TMTC2: variants seen among roughly 807,000 people sequenced by gnomAD.
TMTC2 encodes the protein transmembrane O-mannosyltransferase targeting cadherins 2, also known as protein O-mannosyl-transferase TMTC2.
In TMTC2, 43 loss-of-function variants were observed where a neutral mutation model predicts 82.4. That is an observed-to-expected ratio of 0.52 (90% CI 0.41 to 0.67). The LOEUF is 0.67. Ranked by LOEUF, TMTC2 falls within the 30% of genes least tolerant of loss-of-function variation. TMTC2 has a pLI of 0.00. For missense variants in TMTC2, 919 were observed against 1,012.4 expected (o/e 0.91, Z 1.25); for synonymous variants, 408 against 381.9 (o/e 1.07, Z -0.80).
At position 82,749,495 on chromosome 12, in the gene TMTC2, G is replaced by GT. The variant is rs1006676347; in HGVS notation, c.83+61835dup. ...CACTTTGTAGATTTGATGCTTTTTT[G>GT]TTTTTTTTTAATTTGGTATAAAAGC... On this transcript the variant is annotated intron_variant, in intron 1 of 11. Coordinates refer to ENST00000321196, the MANE Select transcript of TMTC2 (RefSeq NM_152588.3). Among the ~76,000 whole-genome samples the GT allele has an allele frequency of 6.9e-4, 104 of 150,954 alleles. 1 individual carries two copies. In the South Asian group the frequency reaches 0.012, roughly 17 times the overall value.
intron 1 of TMTC2, among the ~76,000 whole-genome samples, chr12:82,724,472 C>T (rs1874354086): frequency 6.6e-6 from 1 of 152,106 alleles, no homozygotes; most frequent in Non-Finnish European, 1.5e-5. Flanking sequence ...CTCATGAGAT[C>T]TGATGGTTTA....
At chr12:82,988,837 G>A (rs975318873) in intron 8 of TMTC2, among the ~76,000 whole-genome samples, 11 of 147,772 alleles carry the variant, frequency 7.4e-5, no homozygotes, top group African/African-American at 2.5e-4. Flanking sequence ...ACCAGACAGA[G>A]CACAGTGAAT....
intron 1 of TMTC2, among the ~76,000 whole-genome samples, chr12:82,781,347 A>C (rs1040502331): frequency 1.3e-5 from 2 of 151,880 alleles, no homozygotes; most frequent in Non-Finnish European, 2.9e-5. Flanking sequence ...AGTACATTTT[A>C]AGAAAAGGGT....
chr12:82,769,189 T>C (rs1877148798), intron 1 of TMTC2, among the ~76,000 whole-genome samples: 1 of 151,814 alleles, frequency 6.6e-6, no homozygotes, highest in African/African-American at 2.4e-5. Flanking sequence ...ATGTAAGTGG[T>C]AGGCCAGGCA....
intron 2 of TMTC2, among the ~76,000 whole-genome samples, chr12:82,883,891 TTTG>T (rs1336031411): frequency 2.0e-5 from 3 of 152,202 alleles, no homozygotes; most frequent in Non-Finnish European, 4.4e-5. Context: ...TAAAACTTTT[TTTG>T]TTGTTGTTTC....
At chr12:82,835,816 C>T (rs1293117853) in intron 1 of TMTC2, among the ~76,000 whole-genome samples, 2 of 152,158 alleles carry the variant, frequency 1.3e-5, no homozygotes, top group Non-Finnish European at 2.9e-5. Context: ...TTCCCTCTTC[C>T]TTGACCCCCT....
chr12:83,069,975 C>T (rs1484951288), intron 11 of TMTC2, among the ~76,000 whole-genome samples: 6 of 151,962 alleles, frequency 3.9e-5, no homozygotes, highest in Non-Finnish European at 8.8e-5. Flanking sequence ...TTTTTGTTTG[C>T]TTTGTCGAAG....
chr12:83,071,678 C>T (rs933921118), intron 11 of TMTC2, among the ~76,000 whole-genome samples: 2 of 152,062 alleles, frequency 1.3e-5, no homozygotes, highest in Non-Finnish European at 2.9e-5. Context: ...ATTTTAATCT[C>T]GCTGCTTGTT....
chr12:82,790,278 C>T (rs185786733), intron 1 of TMTC2, among the ~76,000 whole-genome samples: 2 of 151,546 alleles, frequency 1.3e-5, no homozygotes, highest in Admixed American at 1.3e-4. Flanking sequence ...CCAAGGATTT[C>T]ATTACTGTAA....
At chr12:82,777,780 CT>C (rs1346589867) in intron 1 of TMTC2, among the ~76,000 whole-genome samples, 1 of 152,154 alleles carries the variant, frequency 6.6e-6, no homozygotes, top group African/African-American at 2.4e-5. Context: ...CATTCCTCAG[CT>C]GAAATTTTTG....
chr12:82,893,779 A>C (rs114436467), intron 2 of TMTC2, among the ~76,000 whole-genome samples: 1,584 of 152,314 alleles, frequency 0.01, 23 homozygotes, highest in African/African-American at 0.037. Flanking sequence ...ATGAATTACA[A>C]ACTTTTTGTT....
At chr12:82,957,834 T>C (rs112179223) in intron 4 of TMTC2, among the ~76,000 whole-genome samples, 1 of 151,900 alleles carries the variant, frequency 6.6e-6, no homozygotes, top group African/African-American at 2.4e-5. Context: ...AACAGACTAA[T>C]ACTGACTTTG....
chr12:82,993,137 A>G (rs568432131), intron 8 of TMTC2, among the ~76,000 whole-genome samples: 4 of 152,074 alleles, frequency 2.6e-5, no homozygotes, highest in Non-Finnish European at 4.4e-5. Context: ...GGTGCATGCC[A>G]CCACGCCTGG....
intron 1 of TMTC2, among the ~76,000 whole-genome samples, chr12:82,703,686 A>G (rs1157666093): frequency 6.6e-6 from 1 of 152,000 alleles, no homozygotes; most frequent in Non-Finnish European, 1.5e-5. Flanking sequence ...TTTTTGGTAG[A>G]GACGGGGTTT....
chr12:82,794,240 C>A (rs1878606097), intron 1 of TMTC2, among the ~76,000 whole-genome samples: 2 of 152,040 alleles, frequency 1.3e-5, no homozygotes, highest in African/African-American at 4.8e-5. Context: ...CTCTCTCACT[C>A]CTCCCCTCAT....
At chr12:83,033,894 A>G (rs556704299) in intron 9 of TMTC2, among the ~76,000 whole-genome samples, 1 of 150,044 alleles carries the variant, frequency 6.7e-6, no homozygotes, top group Non-Finnish European at 1.5e-5. Flanking sequence ...GTGTGTATAT[A>G]TATATATATG....
At position 83,131,443 on chromosome 12, in the gene TMTC2, G is replaced by A. The variant is rs528319793; in HGVS notation, c.2332-767G>A. Among the ~76,000 whole-genome samples, 14 of 152,188 alleles carry A rather than the reference G, an allele frequency of 9.2e-5. No homozygotes were observed. The South Asian group carries it at 2.9e-3, about 32-fold the overall frequency. The stretch of plus-strand genomic sequence containing the variant: ...TTTCCACATGTGATAGCTTTGTATT[G>A]CAATTATTACGCATTATTGAAAATT... On this transcript the variant is annotated intron_variant, in intron 11 of 11. Coordinates refer to ENST00000321196, the MANE Select transcript of TMTC2 (RefSeq NM_152588.3).
intron 10 of TMTC2, among the ~76,000 whole-genome samples, chr12:83,056,067 G>T (rs2137464337): frequency 6.6e-6 from 1 of 152,022 alleles, no homozygotes; most frequent in South Asian, 2.1e-4. Context: ...TATTGATAGA[G>T]AAAACAATTT....
intron 2 of TMTC2, among the ~76,000 whole-genome samples, chr12:82,874,269 C>T (rs12301076): frequency 0.02 from 3,057 of 152,290 alleles, 105 homozygotes; most frequent in African/African-American, 0.07. Flanking sequence ...ACAGGTTTTG[C>T]CACTACCTAG....
Sources: allele counts gnomAD v4.1 joint callset (sites outside exome capture counted in the v4.1 genomes callset), GRCh38; gene constraint gnomAD v4.1.1; transcripts MANE v1.5; gene names NCBI Gene and HGNC (gene_info 2026-07-23, HGNC 2026-07-21).